Variants in POFUT1 observed in about 807,000 individuals in gnomAD.
The protein encoded by POFUT1 is GDP-fucose protein O-fucosyltransferase 1.
In POFUT1, 16 loss-of-function variants were observed where a neutral mutation model predicts 42.4. The observed-to-expected ratio is 0.38, with a 90% CI of 0.26 to 0.57. POFUT1 has a LOEUF of 0.57. Ranked by LOEUF, POFUT1 falls within the 20% of genes least tolerant of loss-of-function variation. The pLI is 0.71. For missense variants in POFUT1, 470 were observed against 504.6 expected (o/e 0.93, Z 0.66); for synonymous variants, 206 against 205.4 (o/e 1.00, Z -0.03).
intron 4 of POFUT1, among the ~76,000 whole-genome samples, chr20:32,218,510 A>T (rs2047373844): frequency 6.6e-6 from 1 of 152,158 alleles, no homozygotes; most frequent in Admixed American, 6.5e-5. Flanking sequence ...CCCTTCTGGG[A>T]CTTGCCTTTG....
chr20:32,214,978 C>T (rs900586085), intron 2 of POFUT1, among the ~76,000 whole-genome samples: 7 of 152,112 alleles, frequency 4.6e-5, no homozygotes, highest in Non-Finnish European at 8.8e-5. Context: ...ACCTCCACCT[C>T]CTGGGTTCAA....
intron 3 of POFUT1, among the ~76,000 whole-genome samples, 196 bp downstream of exon 3, chr20:32,215,647 A>T (rs2047356212): frequency 6.6e-6 from 1 of 152,180 alleles, no homozygotes; most frequent in Non-Finnish European, 1.5e-5. Flanking sequence ...CTGAACCTTC[A>T]TTTCTACCTA....
intron 5 of POFUT1, among the ~76,000 whole-genome samples, 158 bp from the exon 6 acceptor site, chr20:32,230,661 C>T (rs1004285047): frequency 2.6e-5 from 4 of 151,500 alleles, no homozygotes; most frequent in African/African-American, 9.7e-5. Flanking sequence ...CACCACTGCA[C>T]TCCAGCCTGG....
intron 1 of POFUT1, among the ~76,000 whole-genome samples, chr20:32,208,722 C>G (rs1409120287): frequency 6.7e-6 from 1 of 149,538 alleles, no homozygotes; most frequent in East Asian, 2.0e-4. Context: ...ATCTGGGCGG[C>G]TACTTGGGAG....
intron 6 of POFUT1, among the ~76,000 whole-genome samples, chr20:32,233,613 G>A (rs533624355): frequency 1.3e-5 from 2 of 152,356 alleles, no homozygotes; most frequent in East Asian, 3.9e-4. Flanking sequence ...AGGAGAGGCA[G>A]TGAGGGGACC....
chr20:32,230,401 A>T (rs1458345047), intron 5 of POFUT1, among the ~76,000 whole-genome samples: 1 of 150,170 alleles, frequency 6.7e-6, no homozygotes, highest in Admixed American at 6.6e-5. Context: ...AAAAAAAAAA[A>T]AAATGTAGTT....
intron 4 of POFUT1, among the ~76,000 whole-genome samples, chr20:32,220,494 C>T (rs931143998): frequency 5.3e-5 from 8 of 152,172 alleles, no homozygotes; most frequent in African/African-American, 1.7e-4. Context: ...GTAATCCCAG[C>T]ACTTTGGGAG....
intron 5 of POFUT1, 89 bp from the exon 6 acceptor site, chr20:32,230,730 T>C (rs543251735): frequency 1.4e-6 from 2 of 1,455,474 alleles, no homozygotes; most frequent in South Asian, 2.4e-5. Context: ...GTTCTTCCTG[T>C]ATAGCCTGTC....
At chr20:32,217,600 AG>A in intron 4 of POFUT1, 1 of 986,090 alleles carries the variant, frequency 1.0e-6, no homozygotes, top group South Asian at 4.7e-5. Flanking sequence ...TTACAGAGCA[AG>A]GGCCTGTCTC....
chr20:32,229,894 C>G (rs2047433358), intron 5 of POFUT1, among the ~76,000 whole-genome samples: 1 of 152,014 alleles, frequency 6.6e-6, no homozygotes, highest in African/African-American at 2.4e-5. Flanking sequence ...CCTCCCACCT[C>G]AGCCTCCTGG....
At chr20:32,213,782 A>G (rs575452130) in intron 2 of POFUT1, among the ~76,000 whole-genome samples, 1 of 152,288 alleles carries the variant, frequency 6.6e-6, no homozygotes, top group East Asian at 1.9e-4. Context: ...AAAAAAAAGA[A>G]AATTACACAG....
In POFUT1 at chr20:32,210,161, A is replaced by G. The variant is rs779855384; in HGVS notation, c.215A>G (p.Glu72Gly). The G allele has an allele frequency of 6.2e-7, 1 of 1,614,106 alleles. No homozygotes were observed. Among genetic ancestry groups the G allele is most frequent in the Non-Finnish European group, 8.5e-7 (1 of 1,179,990 alleles). Residue 72 changes from glutamate (E) to glycine (G), a missense_variant, in exon 2 of 7, where the codon GAG (glutamate) becomes GGG (glycine). Transcript: ENST00000375749. Reference sequence around the variant, plus strand: ...ACCTTGGCTGTCCCTCCTTGGATTGAGTACCAGCATCACAAGCCTCCTTTC... The same window carrying G: ...ACCTTGGCTGTCCCTCCTTGGATTGGGTACCAGCATCACAAGCCTCCTTTC... ...NRTLAVPPWI[E>G]YQHHKPPFTN...
In POFUT1 at chr20:32,237,472, A is replaced by G. The variant is rs1264926580; in HGVS notation, c.*2811A>G. 5.1e-6 allele frequency: 1 copy of G among 197,712 alleles called. No individual in the cohort carries two copies. Among genetic ancestry groups the G allele is most frequent in the African/African-American group, 2.4e-5 (1 of 41,454 alleles). 12.2% of individuals were successfully genotyped at this position (197,712 alleles called of 1,614,324 possible). ...GAGGGAGCACATTCCTGGCAGAGAA[A>G]ACAGCACGTGCAAAGGCCCCGAGAC... is the stretch of plus-strand genomic sequence containing the variant. On this transcript the variant is annotated 3_prime_UTR_variant, in exon 7 of 7. Transcript: ENST00000375749.
Position 32,216,738 on chromosome 20 carries a change from G to A in POFUT1, c.542+17G>A. Reference sequence around the variant, plus strand: ...GAGCCAGAGGTACTTGGAGGGGGTAGCGTTTCTGGGTTTAGGGGAGGCGCA... The same window carrying A: ...GAGCCAGAGGTACTTGGAGGGGGTAACGTTTCTGGGTTTAGGGGAGGCGCA... On this transcript the variant is annotated intron_variant, in intron 4 of 6. Transcript: ENST00000375749. 1.3e-6 allele frequency: 2 copies of A among 1,559,486 alleles called. No homozygotes were observed. The highest frequency in any genetic ancestry group is 1.1e-5 in the South Asian group (1 of 90,008).
rs146009948 is a variant in POFUT1, at chr20:32,230,860, G to A, written c.777G>A (p.Ser259=). 1.5e-5 allele frequency: 24 copies of A among 1,614,010 alleles called. No individual in the cohort carries two copies. The highest frequency in any genetic ancestry group is 1.2e-4 in the South Asian group (11 of 91,090). ...CAMLKDGTAG[S]HFMASPQCVG... ...TGCTGAAGGACGGGACTGCAGGCTCGCACTTCATGGCCTCTCCGCAGTGTG... is the reference window on the plus strand; with the variant it reads ...TGCTGAAGGACGGGACTGCAGGCTCACACTTCATGGCCTCTCCGCAGTGTG... Residue 259 remains serine, a synonymous_variant, in exon 6 of 7, where the codon TCG becomes TCA. Transcript: ENST00000375749.
In POFUT1 at chr20:32,228,171, G is replaced by C. The variant is rs1600392982; in HGVS notation, c.543-92G>C. 3 of 1,018,290 alleles carry C rather than the reference G, an allele frequency of 2.9e-6. No individual in the cohort carries two copies. The East Asian group carries it at 7.7e-5, about 26-fold the overall frequency. 63.1% of individuals were successfully genotyped at this position (1,018,290 alleles called of 1,614,324 possible). Reference sequence around the variant, plus strand: ...CAGGGGCCCCTCCGCAGGGTCTCTGGGGCATGGTGCAACACCATCCTTTTT... The same window carrying C: ...CAGGGGCCCCTCCGCAGGGTCTCTGCGGCATGGTGCAACACCATCCTTTTT... On this transcript the variant is annotated intron_variant, in intron 4 of 6. Transcript: ENST00000375749.
At chr20:32,231,142 T>TGTAGGGGAGCCCGTGAAG in intron 6 of POFUT1, 81 bp downstream of exon 6, 1 of 1,487,774 alleles carries the variant, frequency 6.7e-7, no homozygotes, top group Non-Finnish European at 9.3e-7. Flanking sequence ...ACTGCATGCT[T>TGTAGGGGAGCCCGTGAAG]CACGGGCTCC....
chr20:32,223,268 T>C, intron 4 of POFUT1: 1 of 985,440 alleles, frequency 1.0e-6, no homozygotes, highest in Non-Finnish European at 1.2e-6. Context: ...GTCAAGATTT[T>C]CTTTCCAGCC....
At chr20:32,212,885 ATTTT>A (rs747192876) in intron 2 of POFUT1, among the ~76,000 whole-genome samples, 2 of 141,316 alleles carry the variant, frequency 1.4e-5, no homozygotes, top group Non-Finnish European at 3.1e-5. Flanking sequence ...CCCAGCCAGA[ATTTT>A]TTTTTTTTTT....
Sources: allele counts gnomAD v4.1 joint callset (sites outside exome capture counted in the v4.1 genomes callset), GRCh38; gene constraint gnomAD v4.1.1; transcripts MANE v1.5; gene names NCBI Gene and HGNC (gene_info 2026-07-23, HGNC 2026-07-21).